The following DGKB variants were observed in gnomAD, a reference collection of about 807,000 sequenced individuals.
DGKB encodes the protein diacylglycerol kinase beta.
In DGKB, 67 loss-of-function variants were observed where a neutral mutation model predicts 114.3. The ratio of observed to expected loss-of-function variants is 0.59; its 90% CI spans 0.48 to 0.72. DGKB has a LOEUF of 0.72. Ranked by LOEUF, DGKB falls within the 30% of genes least tolerant of loss-of-function variation. The pLI is 0.00. For missense variants in DGKB, 907 were observed against 975.2 expected (o/e 0.93, Z 0.93); for synonymous variants, 398 against 323.1 (o/e 1.23, Z -2.49).
chr7:14,843,556 G>A (rs546967838), intron 1 of DGKB, among the ~76,000 whole-genome samples: 9 of 151,110 alleles, frequency 6.0e-5, no homozygotes, highest in Admixed American at 2.6e-4. Flanking sequence ...GGATGGTCTC[G>A]ATCTCCTGAC....
At chr7:14,227,646 G>A (rs6974135) in intron 23 of DGKB, among the ~76,000 whole-genome samples, 57,748 of 151,756 alleles carry the variant, frequency 0.38, 11,908 homozygotes, top group African/African-American at 0.56. Context: ...CTTGTTTATT[G>A]GCCTAGTCCT....
intron 21 of DGKB, among the ~76,000 whole-genome samples, chr7:14,463,816 A>T (rs1461468785): frequency 2.0e-5 from 3 of 152,214 alleles, no homozygotes; most frequent in Non-Finnish European, 2.9e-5. Flanking sequence ...GATTAAATAA[A>T]ATAATCCAGA....
chr7:14,236,193 A>G (rs1259530521), intron 23 of DGKB, among the ~76,000 whole-genome samples: 1 of 152,010 alleles, frequency 6.6e-6, no homozygotes, highest in African/African-American at 2.4e-5. Context: ...ATACCTCAAA[A>G]TCATTATTTT....
chr7:14,614,710 A>C (rs1296653866), intron 15 of DGKB, among the ~76,000 whole-genome samples: 1 of 152,094 alleles, frequency 6.6e-6, no homozygotes, highest in African/African-American at 2.4e-5. Context: ...ACATTACCGA[A>C]GTGGGAAGAT....
At chr7:14,214,668 T>C (rs1788676468) in intron 23 of DGKB, among the ~76,000 whole-genome samples, 1 of 152,142 alleles carries the variant, frequency 6.6e-6, no homozygotes, top group Admixed American at 6.6e-5. Context: ...TCTCTCCTAT[T>C]ACATAATTAC....
intron 13 of DGKB, among the ~76,000 whole-genome samples, chr7:14,669,221 CA>C (rs1340932901): frequency 1.3e-5 from 2 of 152,154 alleles, no homozygotes; most frequent in African/African-American, 4.8e-5. Context: ...AAATATAAGT[CA>C]GATAATTTCT....
At chr7:14,851,388 C>G (rs1202201998) in intron 1 of DGKB, among the ~76,000 whole-genome samples, 1 of 152,110 alleles carries the variant, frequency 6.6e-6, no homozygotes, top group African/African-American at 2.4e-5. Context: ...TTTCTATTCT[C>G]TTTCTTTTCA....
chr7:14,605,377 T>TAC (rs963653110), intron 17 of DGKB, among the ~76,000 whole-genome samples: 3 of 148,202 alleles, frequency 2.0e-5, no homozygotes, highest in African/African-American at 7.5e-5. Flanking sequence ...TATATATATA[T>TAC]ACACCTATAT....
At chr7:14,558,543 T>A (rs761034693) in intron 20 of DGKB, among the ~76,000 whole-genome samples, 402 of 152,176 alleles carry the variant, frequency 2.6e-3, no homozygotes, top group Middle Eastern at 0.014. Context: ...TCTGCTTTTT[T>A]AAAAAAAACT....
intron 9 of DGKB, among the ~76,000 whole-genome samples, chr7:14,691,161 C>T (rs1344848659): frequency 6.6e-6 from 1 of 152,128 alleles, no homozygotes; most frequent in Non-Finnish European, 1.5e-5. Context: ...GCATTGAAAT[C>T]GTAAATGTTG....
chr7:14,910,333 A>G (rs940256542), intron 1 of DGKB, among the ~76,000 whole-genome samples: 1 of 151,574 alleles, frequency 6.6e-6, no homozygotes, highest in Non-Finnish European at 1.5e-5. Flanking sequence ...ATATTAGGAG[A>G]AGGCAAAAAA....
At chr7:14,344,301 A>T (rs1812119051) in intron 22 of DGKB, among the ~76,000 whole-genome samples, 1 of 151,594 alleles carries the variant, frequency 6.6e-6, no homozygotes, top group East Asian at 1.9e-4. Flanking sequence ...AATCATGATG[A>T]GATAAAAGTG....
At chr7:14,786,132 G>C (rs1839860472) in intron 2 of DGKB, among the ~76,000 whole-genome samples, 1 of 148,932 alleles carries the variant, frequency 6.7e-6, no homozygotes, top group African/African-American at 2.5e-5. Context: ...AAATTTCCAG[G>C]AACATGTACA....
chr7:14,214,323 G>A (rs370792263), intron 23 of DGKB, among the ~76,000 whole-genome samples: 26 of 151,870 alleles, frequency 1.7e-4, no homozygotes, highest in African/African-American at 5.1e-4. Context: ...GATATGGCAC[G>A]CTCTTTCTTC....
Position 14,880,316 on chromosome 7 carries a change from G to C in DGKB, c.-188+22276C>G, listed in dbSNP as rs183775805. ...CTACTAAAAATACAAAAATTAGCCA[G>C]GTATGGTGGCATACACCTGTAGTCC... On this transcript the variant is annotated intron_variant, in intron 1 of 25. Transcript: ENST00000402815. Among the ~76,000 whole-genome samples, 1,161 of 152,240 alleles carry C rather than the reference G, an allele frequency of 7.6e-3. 5 individuals are homozygous for C. The highest frequency in any genetic ancestry group is 0.012 in the Non-Finnish European group (826 of 68,020).
chr7:14,153,681 C>G (rs529229034), intron 25 of DGKB, among the ~76,000 whole-genome samples: 4 of 151,920 alleles, frequency 2.6e-5, no homozygotes, highest in African/African-American at 9.7e-5. Context: ...CCTGTCCTGC[C>G]TAGCTTAAAT....
rs191767180 is a variant in DGKB at position 14,948,445 on chromosome 7, C to T, written c.-188+26251G>A. ...TTTCTGAAGCTTAAAACAACGGCAACGAATTGAGCAGTGATACAAGGCAAG... is the reference window on the plus strand; with the variant it reads ...TTTCTGAAGCTTAAAACAACGGCAATGAATTGAGCAGTGATACAAGGCAAG... On this transcript the variant is annotated intron_variant, in intron 1 of 4. Coordinates refer to the DGKB transcript ENST00000437998. Among the ~76,000 whole-genome samples, 28 of 151,640 alleles carry T rather than the reference C, an allele frequency of 1.8e-4. 1 individual carries two copies. The highest frequency in any genetic ancestry group is 5.9e-4 in the Admixed American group (9 of 15,142).
chr7:14,158,487 T>A (rs6962724), intron 25 of DGKB, among the ~76,000 whole-genome samples: 1 of 152,000 alleles, frequency 6.6e-6, no homozygotes, highest in Non-Finnish European at 1.5e-5. Context: ...CACTGTCTTA[T>A]TAGAAGAAGA....
intron 23 of DGKB, among the ~76,000 whole-genome samples, chr7:14,276,676 A>G (rs1159757574): frequency 8.2e-6 from 1 of 121,404 alleles, no homozygotes. Context: ...TAAGTATTAT[A>G]AAAATAGTAG....
Sources: gnomAD v4.1 joint callset for allele counts (sites outside exome capture counted in the v4.1 genomes callset) on GRCh38, gnomAD v4.1.1 for gene constraint, MANE v1.5 for transcripts, NCBI Gene and HGNC (gene_info 2026-07-23, HGNC 2026-07-21) for gene names.